SETD3: variants seen among roughly 807,000 people sequenced by gnomAD.
SETD3 encodes the protein SET domain containing 3, actin N3(tau)-histidine methyltransferase, also known as actin-histidine N-methyltransferase.
In SETD3, 19 loss-of-function variants were observed where a neutral mutation model predicts 63.0. The ratio of observed to expected loss-of-function variants is 0.30; its 90% CI spans 0.21 to 0.44. SETD3 has a LOEUF of 0.44. SETD3 is among the 20% of genes least tolerant of loss of function. The probability of loss-of-function intolerance (pLI) is 1.00; values close to 1 mark genes in which losing one functional copy is unlikely to be tolerated. For missense variants in SETD3, 587 were observed against 728.5 expected (o/e 0.81, Z 2.24); for synonymous variants, 286 against 264.1 (o/e 1.08, Z -0.80).
At chr14:99,404,866 T>C (rs1354041775) in intron 10 of SETD3, among the ~76,000 whole-genome samples, 1 of 152,190 alleles carries the variant, frequency 6.6e-6, no homozygotes, top group Non-Finnish European at 1.5e-5. Context: ...CAGAAACTAA[T>C]GGTAGCAACG....
Position 99,398,854 on chromosome 14 carries a change from T to A in SETD3, c.1610A>T (p.Asn537Ile). The A allele has an allele frequency of 6.2e-7, 1 of 1,614,236 alleles. No individual in the cohort carries two copies. The highest frequency in any genetic ancestry group is 8.5e-7 in the Non-Finnish European group (1 of 1,180,042). Reference sequence around the variant, plus strand: ...TGCTTTGCTGATTGCCTCTCTGATGTTCAAGGCATCCTGCACTCCAGCCTC... The same window carrying A: ...TGCTTTGCTGATTGCCTCTCTGATGATCAAGGCATCCTGCACTCCAGCCTC... ...EEEAGVQDAL[N>I]IREAISKAKA... Residue 537 changes from asparagine to isoleucine, a missense_variant, in exon 13 of 13, where the codon AAC becomes ATC. Physicochemically the swap from Asn to Ile is moderately radical, Grantham distance 149. Transcript: ENST00000331768.
intron 9 of SETD3, among the ~76,000 whole-genome samples, chr14:99,406,130 T>C (rs1891668231): frequency 6.6e-6 from 1 of 152,228 alleles, no homozygotes; most frequent in African/African-American, 2.4e-5. Flanking sequence ...TTTTGCCCCT[T>C]AAATACTCTT....
At chr14:99,471,395 G>C (rs567862491) in intron 1 of SETD3, among the ~76,000 whole-genome samples, 3 of 152,320 alleles carry the variant, frequency 2.0e-5, no homozygotes, top group South Asian at 4.1e-4. Flanking sequence ...AATTTATATA[G>C]AGAGATGTAG....
intron 8 of SETD3, among the ~76,000 whole-genome samples, chr14:99,408,290 T>C (rs1302521990): frequency 6.6e-6 from 1 of 152,202 alleles, no homozygotes; most frequent in Non-Finnish European, 1.5e-5. Context: ...CAATGAGAAA[T>C]AAATGAAGCC....
chr14:99,438,266 C>A (rs553616018), intron 6 of SETD3, among the ~76,000 whole-genome samples: 1 of 152,364 alleles, frequency 6.6e-6, no homozygotes, highest in South Asian at 2.1e-4. Flanking sequence ...TCCATTAAAA[C>A]CTTCACTTTC....
intron 6 of SETD3, among the ~76,000 whole-genome samples, chr14:99,423,884 A>C (rs990167322): frequency 6.6e-6 from 1 of 152,106 alleles, no homozygotes; most frequent in Non-Finnish European, 1.5e-5. Flanking sequence ...CCTTTTTCAT[A>C]AAAATCATAC....
At chr14:99,481,719 G>C, upstream of SETD3, 1 of 379,084 alleles carries the variant, frequency 2.6e-6, no homozygotes, top group Non-Finnish European at 4.7e-6. Flanking sequence ...CCTAGAACTG[G>C]TAGCGGCCCT....
chr14:99,474,875 A>ATT (rs11419445), intron 1 of SETD3, among the ~76,000 whole-genome samples: 3,092 of 149,704 alleles, frequency 0.021, 77 homozygotes, highest in African/African-American at 0.057. Flanking sequence ...GCTTTTCGCA[A>ATT]TTTTTTTTTT....
At chr14:99,426,888 C>T (rs548918740) in intron 6 of SETD3, among the ~76,000 whole-genome samples, 82 of 152,260 alleles carry the variant, frequency 5.4e-4, no homozygotes, top group African/African-American at 1.7e-3. Flanking sequence ...GCTCGGCCAA[C>T]GAGGGCAGAG....
intron 3 of SETD3, among the ~76,000 whole-genome samples, chr14:99,462,561 T>C (rs1895129424): frequency 6.6e-6 from 1 of 152,078 alleles, no homozygotes; most frequent in South Asian, 2.1e-4. Context: ...TTACCCTCAG[T>C]GTCAGGTATA....
At chr14:99,482,949 C>T (rs1354196814), upstream of SETD3, among the ~76,000 whole-genome samples, 1 of 152,148 alleles carries the variant, frequency 6.6e-6, no homozygotes, top group African/African-American at 2.4e-5. Flanking sequence ...GAATTAAATT[C>T]AAGGTAATTG....
chr14:99,470,787 T>C (rs1466820440), intron 1 of SETD3, among the ~76,000 whole-genome samples: 2 of 152,202 alleles, frequency 1.3e-5, no homozygotes, highest in Admixed American at 6.5e-5. Flanking sequence ...GCACTAATTC[T>C]AGTATTTCTG....
chr14:99,477,748 CAA>C (rs5810954), intron 1 of SETD3, among the ~76,000 whole-genome samples: 4 of 130,536 alleles, frequency 3.1e-5, no homozygotes, highest in South Asian at 4.8e-4. Flanking sequence ...AACTCCATCT[CAA>C]AAAAAAAAAA....
intron 6 of SETD3, among the ~76,000 whole-genome samples, chr14:99,430,778 C>T (rs1893130194): frequency 6.6e-6 from 1 of 152,160 alleles, no homozygotes; most frequent in Non-Finnish European, 1.5e-5. Context: ...AGATCCTCCA[C>T]GAGCACCATG....
chr14:99,431,506 T>C lies in SETD3; in HGVS notation c.676-17572A>G, dbSNP rs187451344. On this transcript the variant is annotated intron_variant, in intron 6 of 12. Coordinates refer to ENST00000331768, the MANE Select transcript of SETD3 (RefSeq NM_032233.3). Reference sequence around the variant, plus strand: ...GCATTAGTAGGAATTTTTTTTTTTTTCTGAGACAGAGTTTTGCTCTTGTTG... The same window carrying C: ...GCATTAGTAGGAATTTTTTTTTTTTCCTGAGACAGAGTTTTGCTCTTGTTG... Among the ~76,000 whole-genome samples, 1,014 of 152,108 alleles carry C rather than the reference T, an allele frequency of 6.7e-3. 14 individuals are homozygous for C. Among genetic ancestry groups the C allele is most frequent in the Admixed American group, 6.9e-3 (106 of 15,284 alleles).
At chr14:99,436,707 C>A (rs921354057) in intron 6 of SETD3, among the ~76,000 whole-genome samples, 1 of 152,194 alleles carries the variant, frequency 6.6e-6, no homozygotes, top group Admixed American at 6.5e-5. Context: ...TACCTACCCA[C>A]ACACCAGAAA....
chr14:99,414,335 C>A (rs1892172193), intron 6 of SETD3, among the ~76,000 whole-genome samples: 1 of 152,268 alleles, frequency 6.6e-6, no homozygotes, highest in Non-Finnish European at 1.5e-5. Context: ...ATGTACCGCA[C>A]AGGCCTTCTG....
chr14:99,476,618 T>C (rs1449444661), intron 1 of SETD3, among the ~76,000 whole-genome samples: 2 of 152,258 alleles, frequency 1.3e-5, no homozygotes, highest in Non-Finnish European at 2.9e-5. Flanking sequence ...AAATATTTTA[T>C]GGTAAAAGCA....
At chr14:99,417,940 CA>C (rs1192359498) in intron 6 of SETD3, among the ~76,000 whole-genome samples, 2 of 152,160 alleles carry the variant, frequency 1.3e-5, no homozygotes, top group African/African-American at 4.8e-5. Flanking sequence ...GCCTCTAAGA[CA>C]CAAACATTTC....
Sources: allele counts gnomAD v4.1 joint callset (sites outside exome capture counted in the v4.1 genomes callset), GRCh38; gene constraint gnomAD v4.1.1; transcripts MANE v1.5; gene names NCBI Gene and HGNC (gene_info 2026-07-23, HGNC 2026-07-21).